SCHIP1: variants seen among roughly 807,000 people sequenced by gnomAD.
SCHIP1 encodes schwannomin-interacting protein 1.
SCHIP1 carries 8 observed loss-of-function variants against 29.7 expected under a neutral mutation model. The observed-to-expected ratio is 0.27, with a 90% CI of 0.16 to 0.49. The LOEUF (loss-of-function observed/expected upper bound fraction) is 0.49. Ranked by LOEUF, SCHIP1 falls within the 20% of genes least tolerant of loss-of-function variation. The pLI, the probability that SCHIP1 is intolerant of heterozygous loss-of-function variation, is 0.99. For missense variants in SCHIP1, 193 were observed against 294.6 expected, an observed-to-expected ratio of 0.66 and a Z score of 2.52; for synonymous variants, 76 against 94.9, an observed-to-expected ratio of 0.80 and a Z score of 1.16.
At chr3:159,535,533 C>T in the SCHIP1 span, among the ~76,000 whole-genome samples, 1 of 152,170 alleles carries the variant, frequency 6.6e-6, no homozygotes, top group Non-Finnish European at 1.5e-5. Context: ...CTGTCTTGTA[C>T]CTTGCTTCTC....
At chr3:159,274,072 A>G in the SCHIP1 span, 1 of 982,694 alleles carries the variant, frequency 1.0e-6, no homozygotes, top group Non-Finnish European at 1.2e-6. Context: ...TTCTCATTGC[A>G]TAGTTAGTAT....
chr3:159,422,688 G>A, the SCHIP1 span, among the ~76,000 whole-genome samples: 1 of 152,092 alleles, frequency 6.6e-6, no homozygotes, highest in Non-Finnish European at 1.5e-5. Context: ...TATGTAAATG[G>A]AATCATACCT....
At chr3:159,588,178 G>A in the SCHIP1 span, among the ~76,000 whole-genome samples, 1 of 152,120 alleles carries the variant, frequency 6.6e-6, no homozygotes, top group Admixed American at 6.5e-5. Flanking sequence ...GTGTAAGATG[G>A]TATCTCATTG....
At chr3:159,568,316 C>T in the SCHIP1 span, among the ~76,000 whole-genome samples, 1 of 151,982 alleles carries the variant, frequency 6.6e-6, no homozygotes, top group Non-Finnish European at 1.5e-5. Flanking sequence ...ATTGACTAGG[C>T]CCCTCCATAC....
chr3:159,450,045 G>A, the SCHIP1 span, among the ~76,000 whole-genome samples: 1 of 152,124 alleles, frequency 6.6e-6, no homozygotes, highest in African/African-American at 2.4e-5. Flanking sequence ...TTTCTCAATA[G>A]TAAACTGTAC....
the SCHIP1 span, among the ~76,000 whole-genome samples, chr3:159,816,869 C>G: frequency 9.9e-5 from 15 of 152,252 alleles, no homozygotes; most frequent in African/African-American, 3.6e-4. Context: ...CTATCTCTTT[C>G]TTGCTCAGTT....
At chr3:159,555,730 TTTG>T in the SCHIP1 span, among the ~76,000 whole-genome samples, 1 of 152,212 alleles carries the variant, frequency 6.6e-6, no homozygotes, top group Non-Finnish European at 1.5e-5. Context: ...TACTAAAAAC[TTTG>T]TTGTGTTTCA....
chr3:159,765,312 GGTCTGTGAGCT>G, the SCHIP1 span: 2 of 739,170 alleles, frequency 2.7e-6, no homozygotes, highest in Admixed American at 7.0e-5. Flanking sequence ...AAGGTTGCTC[GGTCTGTGAGCT>G]GTCTGGGTTT....
chr3:159,529,245 G>C, the SCHIP1 span, among the ~76,000 whole-genome samples: 6 of 152,158 alleles, frequency 3.9e-5, no homozygotes, highest in African/African-American at 1.4e-4. Context: ...CTGCATATAT[G>C]CTAGTTCTAT....
chr3:159,544,778 C>A, the SCHIP1 span, among the ~76,000 whole-genome samples: 2 of 152,022 alleles, frequency 1.3e-5, no homozygotes, highest in South Asian at 2.1e-4. Flanking sequence ...TTGCAGATAC[C>A]TTCTCCCATA....
At chr3:159,606,124 G>A in the SCHIP1 span, among the ~76,000 whole-genome samples, 1 of 152,080 alleles carries the variant, frequency 6.6e-6, no homozygotes, top group Non-Finnish European at 1.5e-5. Context: ...TGTCTTTCTG[G>A]GGGAATTGAT....
chr3:159,343,342 T>C, the SCHIP1 span, among the ~76,000 whole-genome samples: 1 of 152,368 alleles, frequency 6.6e-6, no homozygotes, highest in South Asian at 2.1e-4. Context: ...TAGTTATTTC[T>C]GCAAAGTCAT....
At chr3:159,490,322 C>T in the SCHIP1 span, among the ~76,000 whole-genome samples, 1 of 152,168 alleles carries the variant, frequency 6.6e-6, no homozygotes, top group African/African-American at 2.4e-5. Flanking sequence ...AATGTTAAGG[C>T]TAACTTTTTC....
the SCHIP1 span, among the ~76,000 whole-genome samples, chr3:159,697,221 C>T: frequency 6.6e-6 from 1 of 152,090 alleles, no homozygotes. Flanking sequence ...GTAGAATTAA[C>T]AGGATTTGTT....
chr3:159,801,763 A>G, the SCHIP1 span, among the ~76,000 whole-genome samples: 2 of 152,178 alleles, frequency 1.3e-5, no homozygotes, highest in African/African-American at 4.8e-5. Flanking sequence ...AAATTCTGGT[A>G]CACACAGTAT....
the SCHIP1 span, among the ~76,000 whole-genome samples, chr3:159,357,777 G>T: frequency 6.6e-6 from 1 of 152,150 alleles, no homozygotes; most frequent in Admixed American, 6.5e-5. Flanking sequence ...TGAAGCACCA[G>T]GTTCTATCCC....
At chr3:159,800,563 A>G in the SCHIP1 span, among the ~76,000 whole-genome samples, 3 of 152,222 alleles carry the variant, frequency 2.0e-5, no homozygotes, top group Non-Finnish European at 2.9e-5. Flanking sequence ...AGTGACCTCA[A>G]TAGTAATTGC....
chr3:159,288,559 G>A, the SCHIP1 span, among the ~76,000 whole-genome samples: 2 of 152,142 alleles, frequency 1.3e-5, no homozygotes, highest in Admixed American at 6.5e-5. Context: ...TCAACATGGG[G>A]AAACCCAGTC....
At chr3:159,539,958 A>G in the SCHIP1 span, among the ~76,000 whole-genome samples, 3 of 152,098 alleles carry the variant, frequency 2.0e-5, no homozygotes, top group Non-Finnish European at 4.4e-5. Context: ...CTTTAAAGTT[A>G]GGAAAGACAT....
Sources: gnomAD v4.1 joint callset for allele counts (sites outside exome capture counted in the v4.1 genomes callset) on GRCh38, gnomAD v4.1.1 for gene constraint, MANE v1.5 for transcripts, NCBI Gene and HGNC (gene_info 2026-07-23, HGNC 2026-07-21) for gene names.